The following DPP10 variants were observed in gnomAD, a reference collection of about 807,000 sequenced individuals.
DPP10 encodes dipeptidyl peptidase like 10.
In DPP10, 33 loss-of-function variants were observed where a neutral mutation model predicts 120.9. The observed-to-expected ratio is 0.27, with a 90% confidence interval of 0.21 to 0.37. DPP10 has a LOEUF of 0.37. Ranked by LOEUF, DPP10 falls within the 10% of genes least tolerant of loss-of-function variation. DPP10 has a pLI of 1.00. For synonymous variants in DPP10, 337 were observed against 326.1 expected, an observed-to-expected ratio of 1.03 and a Z score of -0.36; for missense variants, 816 against 942.8, an observed-to-expected ratio of 0.87 and a Z score of 1.76.
chr2:115,308,708 T>C (rs1366305763), intron 1 of DPP10, among the ~76,000 whole-genome samples: 2 of 151,570 alleles, frequency 1.3e-5, no homozygotes, highest in Non-Finnish European at 2.9e-5. Flanking sequence ...TTTTTTTTTT[T>C]TTTTTTTATG....
chr2:114,643,236 AT>A (rs900798505), intron 1 of DPP10, among the ~76,000 whole-genome samples: 1 of 151,896 alleles, frequency 6.6e-6, no homozygotes, highest in African/African-American at 2.4e-5. Context: ...TGTCACCCTC[AT>A]GAAGGGTCCT....
chr2:114,812,860 A>G (rs767405187), intron 1 of DPP10, among the ~76,000 whole-genome samples: 9 of 152,196 alleles, frequency 5.9e-5, no homozygotes, highest in Non-Finnish European at 1.0e-4. Context: ...TTGGGGTTAC[A>G]TAGGCCAGAT....
At chr2:115,546,307 G>C (rs188984431) in intron 5 of DPP10, among the ~76,000 whole-genome samples, 1 of 152,000 alleles carries the variant, frequency 6.6e-6, no homozygotes, top group Non-Finnish European at 1.5e-5. Flanking sequence ...CCAAAATTAC[G>C]TATGTATACG....
chr2:114,834,034 C>A (rs1687382883), intron 1 of DPP10: 1 of 151,494 alleles, frequency 6.6e-6, no homozygotes, highest in Admixed American at 6.6e-5. Flanking sequence ...AACATATACA[C>A]ACACCTATGT....
At chr2:115,587,390 G>A (rs962924832) in intron 5 of DPP10, among the ~76,000 whole-genome samples, 1 of 151,984 alleles carries the variant, frequency 6.6e-6, no homozygotes, top group Non-Finnish European at 1.5e-5. Context: ...CTACTCCTTA[G>A]CCTCTGGTAA....
intron 1 of DPP10, among the ~76,000 whole-genome samples, chr2:114,602,554 C>A (rs1429436176): frequency 6.6e-6 from 1 of 151,880 alleles, no homozygotes; most frequent in Non-Finnish European, 1.5e-5. Context: ...ATGAAGTGGG[C>A]TCTCAACCTA....
intron 5 of DPP10, among the ~76,000 whole-genome samples, chr2:115,664,333 T>G (rs1322382115): frequency 6.6e-6 from 1 of 152,042 alleles, no homozygotes; most frequent in Non-Finnish European, 1.5e-5. Context: ...TGATTACAAA[T>G]TTTTCAAATT....
In DPP10 at chr2:114,703,728, T is replaced by C. The variant is rs1253902550; in HGVS notation, c.60+260890T>C. Among the ~76,000 whole-genome samples the C allele has an allele frequency of 3.3e-5, 5 of 152,292 alleles. No individual in the cohort carries two copies. The South Asian group carries it at 6.2e-4, about 19-fold the overall frequency. On this transcript the variant is annotated intron_variant, in intron 1 of 25. Coordinates refer to ENST00000410059, the MANE Select transcript of DPP10 (RefSeq NM_020868.6). ...GAAGTCCTCTAGATAGTATGGTTAA[T>C]AAAGCATATTTGTCTGGTTCCATAA...
At chr2:114,578,834 A>G (rs1038573593) in intron 1 of DPP10, among the ~76,000 whole-genome samples, 2 of 152,100 alleles carry the variant, frequency 1.3e-5, no homozygotes, top group Admixed American at 6.5e-5. Flanking sequence ...TTTATTATTT[A>G]TTTTGCAGAA....
chr2:114,809,626 C>T (rs1337984362), intron 1 of DPP10, among the ~76,000 whole-genome samples: 2 of 152,066 alleles, frequency 1.3e-5, no homozygotes, highest in African/African-American at 2.4e-5. Context: ...TGAGAGGAAG[C>T]CAATTGAGAA....
intron 1 of DPP10, among the ~76,000 whole-genome samples, chr2:115,263,789 T>G (rs1364381378): frequency 6.6e-6 from 1 of 152,222 alleles, no homozygotes; most frequent in Non-Finnish European, 1.5e-5. Flanking sequence ...ATTGCCTTCC[T>G]TATATACATG....
chr2:115,113,135 C>T (rs1039314749), intron 1 of DPP10, among the ~76,000 whole-genome samples: 1 of 151,662 alleles, frequency 6.6e-6, no homozygotes, highest in Non-Finnish European at 1.5e-5. Flanking sequence ...TTTATATAAT[C>T]ATAACATGTA....
intron 1 of DPP10, among the ~76,000 whole-genome samples, chr2:114,525,069 C>A (rs984345918): frequency 4.6e-5 from 7 of 152,132 alleles, no homozygotes; most frequent in African/African-American, 1.7e-4. Context: ...ATTAGCAATA[C>A]CTTCCCTCTA....
chr2:115,075,724 G>A (rs759821867), intron 1 of DPP10, among the ~76,000 whole-genome samples: 125 of 143,912 alleles, frequency 8.7e-4, no homozygotes, highest in Non-Finnish European at 1.6e-3. Flanking sequence ...TTTTTTTAAT[G>A]TTAGGCAACT....
chr2:115,204,788 C>T (rs1324501500), intron 1 of DPP10, among the ~76,000 whole-genome samples: 2 of 152,144 alleles, frequency 1.3e-5, no homozygotes, highest in Admixed American at 6.5e-5. Context: ...TAATAACAGC[C>T]ATTCTGACTG....
rs59183186 is a variant in DPP10 at position 115,118,747 on chromosome 2, T to TTGTGTG, written c.61-190452_61-190447dup. On this transcript the variant is annotated intron_variant, in intron 1 of 25. Coordinates refer to ENST00000410059, the MANE Select transcript of DPP10 (RefSeq NM_020868.6). ...AGCACATGCCACCACACACAGCTAA[T>TTGTGTG]TGTGTGTGTGTGTGTGTGTGTGTGT... Among the ~76,000 whole-genome samples the TTGTGTG allele has an allele frequency of 4.6e-3, 648 of 140,504 alleles. 6 individuals carry two copies. Among genetic ancestry groups the TTGTGTG allele is most frequent in the African/African-American group, 0.015 (567 of 36,804 alleles). The allele number at this position is 140,504 out of a possible 152,430, so 92.2% of individuals were successfully genotyped here. A position where few individuals can be genotyped will look rare whatever the true frequency, so the allele number is the denominator to read the frequency against.
rs1553462477 is a variant in DPP10 at position 114,965,983 on chromosome 2, A to AAG, written c.61-343255_61-343254insGA. 4.1e-3 allele frequency among the ~76,000 whole-genome samples: 593 copies of AAG among 146,230 alleles called. 3 individuals are homozygous for AAG. Among genetic ancestry groups the AAG allele is most frequent in the African/African-American group, 0.015 (562 of 38,136 alleles). On this transcript the variant is annotated intron_variant, in intron 1 of 25. Coordinates refer to ENST00000410059, the MANE Select transcript of DPP10 (RefSeq NM_020868.6). ...CCTTCTCAAAAAAAAAAAAAAAAAAAAAAAGAAAAAAAAAGAAAAAGAAAG... is the reference window on the plus strand; with the variant it reads ...CCTTCTCAAAAAAAAAAAAAAAAAAAAGAAAAGAAAAAAAAAGAAAAAGAAAG...
intron 1 of DPP10, among the ~76,000 whole-genome samples, chr2:114,505,906 C>T (rs1174161622): frequency 1.3e-5 from 2 of 152,254 alleles, no homozygotes; most frequent in Admixed American, 6.5e-5. Context: ...TGAGCAATTA[C>T]ATAGCAAGAT....
At chr2:114,590,661 T>C (rs1691387664) in intron 1 of DPP10, among the ~76,000 whole-genome samples, 1 of 152,186 alleles carries the variant, frequency 6.6e-6, no homozygotes, top group African/African-American at 2.4e-5. Context: ...TGATACTGAA[T>C]AAGGAGTTGG....
Sources: allele counts gnomAD v4.1 joint callset (sites outside exome capture counted in the v4.1 genomes callset), GRCh38; gene constraint gnomAD v4.1.1; transcripts MANE v1.5; gene names NCBI Gene and HGNC (gene_info 2026-07-23, HGNC 2026-07-21).